Variants in PRDM6 observed in about 807,000 individuals in gnomAD.
The protein encoded by PRDM6 is putative histone-lysine N-methyltransferase PRDM6.
Under a neutral mutation model 60.8 loss-of-function variants are expected in PRDM6, and 25 were observed. The ratio of observed to expected loss-of-function variants is 0.41; its 90% CI spans 0.30 to 0.57. The LOEUF is 0.57. Ranked by LOEUF, PRDM6 falls within the 20% of genes least tolerant of loss-of-function variation. The pLI is 0.27. For synonymous variants in PRDM6, 407 were observed against 357.4 expected (o/e 1.14, Z -1.57); for missense variants, 839 against 821.3 (o/e 1.02, Z -0.26).
Position 123,189,245 on chromosome 5 carries a change from C to G in PRDM6, c.*2044C>G, listed in dbSNP as rs559640290. Reference sequence around the variant, plus strand: ...TAACCTGAAACCTGCAAGAAAAGGACAGATCAGCTTCACAGATGAGTAAGC... The same window carrying G: ...TAACCTGAAACCTGCAAGAAAAGGAGAGATCAGCTTCACAGATGAGTAAGC... On this transcript the variant is annotated 3_prime_UTR_variant, in exon 8 of 8. Transcript: ENST00000407847. 2 of 152,322 alleles carry G rather than the reference C, an allele frequency of 1.3e-5. No individual in the cohort carries two copies. The highest frequency in any genetic ancestry group is 4.8e-5 in the African/African-American group (2 of 41,574). 9.4% of individuals were successfully genotyped at this position (152,322 alleles called of 1,614,324 possible).
chr5:123,135,157 G>A (rs1327345202), intron 3 of PRDM6, among the ~76,000 whole-genome samples: 2 of 152,158 alleles, frequency 1.3e-5, no homozygotes, highest in Non-Finnish European at 2.9e-5. Flanking sequence ...CTGTGGTGAG[G>A]TAAACATATA....
intron 3 of PRDM6, among the ~76,000 whole-genome samples, chr5:123,133,239 AG>A (rs1292546432): frequency 6.6e-6 from 1 of 152,134 alleles, no homozygotes; most frequent in East Asian, 1.9e-4. Context: ...TTACTATTAT[AG>A]GTAATGCATT....
At chr5:123,106,172 C>T (rs957026429) in intron 3 of PRDM6, among the ~76,000 whole-genome samples, 2 of 152,208 alleles carry the variant, frequency 1.3e-5, no homozygotes, top group African/African-American at 2.4e-5. Context: ...AAAGTACTGA[C>T]AGCACACTAT....
chr5:123,107,512 A>G (rs997226313), intron 3 of PRDM6, among the ~76,000 whole-genome samples: 1 of 152,252 alleles, frequency 6.6e-6, no homozygotes, highest in Admixed American at 6.5e-5. Context: ...GGCATGCCAC[A>G]TGAATCTGCA....
chr5:123,136,730 A>G (rs1764962029), intron 3 of PRDM6, among the ~76,000 whole-genome samples: 1 of 152,180 alleles, frequency 6.6e-6, no homozygotes, highest in Non-Finnish European at 1.5e-5. Flanking sequence ...AATTTAGGCA[A>G]AAGACTGCAT....
In PRDM6 at chr5:123,187,083, C is replaced by G; in HGVS notation, c.1674-4C>G. ...GTCTCAATTTTCTCTCTTGCCTCCA[C>G]CAGGTGCGAGAGGTGTGAGAGGAGC... On this transcript the variant is annotated splice_region_variant and splice_polypyrimidine_tract_variant and intron_variant, in intron 7 of 7. Coordinates refer to ENST00000407847, the MANE Select transcript of PRDM6 (RefSeq NM_001136239.4). 6.5e-7 allele frequency: 1 copy of G among 1,550,284 alleles called. No homozygotes were observed. Among genetic ancestry groups the G allele is most frequent in the South Asian group, 1.2e-5 (1 of 84,018 alleles).
At chr5:123,155,748 C>A in intron 3 of PRDM6, 136 bp from the exon 4 acceptor site, 2 of 917,430 alleles carry the variant, frequency 2.2e-6, no homozygotes, top group Non-Finnish European at 3.2e-6. Flanking sequence ...TTGAGTTGTC[C>A]ACAAGCATCA....
At chr5:123,110,662 G>T (rs925462908) in intron 3 of PRDM6, among the ~76,000 whole-genome samples, 1 of 150,872 alleles carries the variant, frequency 6.6e-6, no homozygotes, top group Admixed American at 6.6e-5. Flanking sequence ...CCGCCTCCCG[G>T]GTTCAAGCTA....
intron 3 of PRDM6, among the ~76,000 whole-genome samples, chr5:123,137,569 C>T (rs1229111146): frequency 1.3e-5 from 2 of 152,018 alleles, no homozygotes; most frequent in East Asian, 1.9e-4. Flanking sequence ...TGTTCTCACT[C>T]GTAAGTGGGA....
chr5:123,163,480 G>A (rs1765680558), intron 5 of PRDM6, among the ~76,000 whole-genome samples: 1 of 152,214 alleles, frequency 6.6e-6, no homozygotes, highest in Non-Finnish European at 1.5e-5. Flanking sequence ...ATTGAAAGCT[G>A]CCTTGACTCA....
At position 123,192,695 on chromosome 5, in the gene PRDM6, G is replaced by C. The variant is rs1766455286; in HGVS notation, c.*5494G>C. ...GAAGGGCAGGTTGTGTTGGAGGGTG[G>C]CCAGAAGAGAATAAGGTTCGAACAC... On this transcript the variant is annotated 3_prime_UTR_variant, in exon 8 of 8. Transcript: ENST00000407847. 6.6e-6 allele frequency: 1 copy of C among 152,194 alleles called. No individual in the cohort carries two copies. Among genetic ancestry groups the C allele is most frequent in the African/African-American group, 2.4e-5 (1 of 41,462 alleles). 9.4% of individuals were successfully genotyped at this position (152,194 alleles called of 1,614,324 possible).
Position 123,090,611 on chromosome 5 carries a change from G to C in PRDM6, c.592+5G>C. The C allele has an allele frequency of 6.6e-7, 1 of 1,509,472 alleles. No homozygotes were observed. Among genetic ancestry groups the C allele is most frequent in the Non-Finnish European group, 8.8e-7 (1 of 1,135,688 alleles). 93.5% of individuals were successfully genotyped at this position (1,509,472 alleles called of 1,614,324 possible). A position where few individuals can be genotyped will look rare whatever the true frequency, so the allele number is the denominator to read the frequency against. ...ACACCAGCGACCCCAACAACCGTAC[G>C]TAGCCGCAGCCCGCGCGCTCTCTCC... On this transcript the variant is annotated splice_donor_5th_base_variant and intron_variant, in intron 2 of 7. Transcript: ENST00000407847.
chr5:123,104,967 G>A (rs942210249), intron 3 of PRDM6, among the ~76,000 whole-genome samples: 1 of 122,020 alleles, frequency 8.2e-6, no homozygotes, highest in African/African-American at 3.3e-5. Context: ...TTCTAAGTCC[G>A]AGAATAATTC....
intron 6 of PRDM6, among the ~76,000 whole-genome samples, chr5:123,172,331 A>C (rs1000618037): frequency 1.3e-5 from 2 of 152,198 alleles, no homozygotes; most frequent in Admixed American, 1.3e-4. Context: ...CTACTTGCTT[A>C]GCATCAACAT....
chr5:123,101,552 G>C (rs931381068), intron 3 of PRDM6, among the ~76,000 whole-genome samples: 5 of 152,128 alleles, frequency 3.3e-5, no homozygotes, highest in African/African-American at 1.2e-4. Flanking sequence ...TATAGTTAAA[G>C]GTCTGCCAAT....
chr5:123,175,497 C>T (rs761413528), intron 6 of PRDM6, among the ~76,000 whole-genome samples: 7 of 152,176 alleles, frequency 4.6e-5, no homozygotes, highest in African/African-American at 7.2e-5. Context: ...TCTTCCCCAT[C>T]CCCCAAGTGT....
At chr5:123,142,927 CAA>C (rs59832599) in intron 3 of PRDM6, among the ~76,000 whole-genome samples, 7 of 41,160 alleles carry the variant, frequency 1.7e-4, no homozygotes, top group African/African-American at 5.9e-4. Context: ...CAAAACAAAA[CAA>C]AAAAAAACTC....
At chr5:123,111,027 A>G (rs1243568550) in intron 3 of PRDM6, among the ~76,000 whole-genome samples, 1 of 152,154 alleles carries the variant, frequency 6.6e-6, no homozygotes, top group Non-Finnish European at 1.5e-5. Flanking sequence ...GCTGAACTTC[A>G]GCAAAGCTAT....
At chr5:123,170,728 A>G (rs1185055626) in intron 5 of PRDM6, 38 bp from the exon 6 acceptor site, 4 of 1,364,362 alleles carry the variant, frequency 2.9e-6, no homozygotes, top group Non-Finnish European at 4.0e-6. Flanking sequence ...TTTAAAGGCT[A>G]ATAAAACTGT....
Sources: gnomAD v4.1 joint callset for allele counts (sites outside exome capture counted in the v4.1 genomes callset) on GRCh38, gnomAD v4.1.1 for gene constraint, MANE v1.5 for transcripts, NCBI Gene and HGNC (gene_info 2026-07-23, HGNC 2026-07-21) for gene names.